DHRS12: variants seen among roughly 807,000 people sequenced by gnomAD.
DHRS12 encodes dehydrogenase/reductase SDR family member 12.
DHRS12 carries 29 observed loss-of-function variants against 32.1 expected under a neutral mutation model. That is an observed-to-expected ratio of 0.90 (90% CI 0.67 to 1.23). The LOEUF (loss-of-function observed/expected upper bound fraction) is 1.23. Ranked by LOEUF, DHRS12 falls within the 50% of genes most tolerant of loss-of-function variation. The pLI, the probability that DHRS12 is intolerant of heterozygous loss-of-function variation, is 0.00. For synonymous variants in DHRS12, 150 were observed against 135.9 expected (o/e 1.10, Z -0.72); for missense variants, 330 against 337.2 (o/e 0.98, Z 0.17).
chr13:51,787,764 TA>T (rs1291400898), intron 4 of DHRS12, among the ~76,000 whole-genome samples: 4 of 113,792 alleles, frequency 3.5e-5, no homozygotes, highest in African/African-American at 1.0e-4. Flanking sequence ...TATATATAAT[TA>T]TATAAATTAT....
chr13:51,787,534 G>C (rs1395833560), intron 4 of DHRS12, among the ~76,000 whole-genome samples: 2 of 151,322 alleles, frequency 1.3e-5, no homozygotes, highest in Admixed American at 1.3e-4. Context: ...CGTGGGTCGT[G>C]GAGGAAGTCA....
At chr13:51,768,499 G>A (rs1566269946) in intron 8 of DHRS12, 4 of 1,419,402 alleles carry the variant, frequency 2.8e-6, no homozygotes, top group Non-Finnish European at 3.7e-6. Flanking sequence ...GGAACTGGGA[G>A]GCTGCAGCCA....
chr13:51,791,218 G>A lies in DHRS12; in HGVS notation c.166C>T (p.Gln56Ter). ...LHIVDLSDPK[Q>*]IWKFVENFKQ... ...AAATTTTCAACAAATTTCCAGATTT[G>A]CTTGGGATCAGACAAGTCCACAATG... Residue 56 changes from glutamine to a stop codon, truncating the protein, a stop_gained, in exon 3 of 9, where the codon CAA becomes TAA. Coordinates refer to ENST00000444610, the MANE Select transcript of DHRS12 (RefSeq NM_001377533.1). LOFTEE classifies it high-confidence loss of function. 6.4e-7 allele frequency: 1 copy of A among 1,571,424 alleles called. No individual in the cohort carries two copies. Among genetic ancestry groups the A allele is most frequent in the South Asian group, 1.2e-5 (1 of 84,816 alleles).
intron 4 of DHRS12, among the ~76,000 whole-genome samples, chr13:51,785,494 A>G (rs1954913701): frequency 6.6e-6 from 1 of 152,176 alleles, no homozygotes; most frequent in Non-Finnish European, 1.5e-5. Context: ...TGATTTCTGG[A>G]TTGGTTAACT....
At chr13:51,778,750 C>G (rs1214083011) in intron 4 of DHRS12, among the ~76,000 whole-genome samples, 1 of 151,966 alleles carries the variant, frequency 6.6e-6, no homozygotes, top group East Asian at 1.9e-4. Flanking sequence ...CATTCCCAGT[C>G]ACCTGCAGGA....
At chr13:51,768,733 G>A in intron 8 of DHRS12, 3 of 1,129,168 alleles carry the variant, frequency 2.7e-6, no homozygotes, top group Non-Finnish European at 3.3e-6. Context: ...GAGCCCACTG[G>A]GGAGAGACGT....
intron 3 of DHRS12, 97 bp downstream of exon 3, chr13:51,791,068 C>T (rs1955244400): frequency 1.3e-6 from 1 of 780,524 alleles, no homozygotes. Flanking sequence ...TAAGATTCTT[C>T]CATAAAGACA....
intron 3 of DHRS12, among the ~76,000 whole-genome samples, 176 bp downstream of exon 3, chr13:51,790,989 T>G (rs1955239881): frequency 6.6e-6 from 1 of 152,104 alleles, no homozygotes; most frequent in African/African-American, 2.4e-5. Flanking sequence ...TCTAACCACA[T>G]GCGTCTCCTC....
At chr13:51,772,019 A>T (rs1954045004) in intron 6 of DHRS12, 108 bp from the exon 7 acceptor site, 1 of 1,038,752 alleles carries the variant, frequency 9.6e-7, no homozygotes. Context: ...TGGACTCTGC[A>T]GTATGTACGG....
rs1029280203 is a variant in DHRS12 at position 51,782,543 on chromosome 13, C to T, written c.302-5422G>A. Among the ~76,000 whole-genome samples, 9 of 152,112 alleles carry T rather than the reference C, an allele frequency of 5.9e-5. No homozygotes were observed. Among genetic ancestry groups the T allele is most frequent in the Non-Finnish European group, 1.0e-4 (7 of 68,022 alleles). ...ATAGGTGACCTCAGCATGAGAGTGGCCAAAGGTCAGGGAGATAAGCCGACT... is the reference window on the plus strand; with the variant it reads ...ATAGGTGACCTCAGCATGAGAGTGGTCAAAGGTCAGGGAGATAAGCCGACT... On this transcript the variant is annotated intron_variant, in intron 4 of 8. Transcript: ENST00000444610. This position sits in a 1 kb window ranked among gnomAD's most constrained non-coding sequence, Gnocchi z 4.2.
chr13:51,758,600 G>A, the DHRS12 span, among the ~76,000 whole-genome samples: 1 of 149,072 alleles, frequency 6.7e-6, no homozygotes, highest in Non-Finnish European at 1.5e-5. Flanking sequence ...GTGTTTTTGA[G>A]AACCTATTAC....
chr13:51,795,402 T>C (rs1319461127), intron 2 of DHRS12, among the ~76,000 whole-genome samples: 1 of 152,222 alleles, frequency 6.6e-6, no homozygotes, highest in South Asian at 2.1e-4. Context: ...TAAACAATAA[T>C]GATAATACCA....
intron 7 of DHRS12, chr13:51,771,564 C>T (rs1394450934): frequency 1.3e-5 from 21 of 1,585,430 alleles, no homozygotes; most frequent in African/African-American, 6.8e-5. Flanking sequence ...AGCAGGGCGC[C>T]CCAGGCGCAC....
chr13:51,792,699 T>C (rs939642888), intron 2 of DHRS12, among the ~76,000 whole-genome samples: 3 of 151,960 alleles, frequency 2.0e-5, no homozygotes, highest in Admixed American at 6.6e-5. Flanking sequence ...CGTGCCCAGC[T>C]TGTGTTGGCC....
At chr13:51,771,495 T>C in intron 7 of DHRS12, 2 of 1,614,090 alleles carry the variant, frequency 1.2e-6, no homozygotes, top group East Asian at 4.5e-5. Context: ...CTCATTCCTG[T>C]CTGACGTGGA....
chr13:51,776,877 G>A (rs1954445983), intron 5 of DHRS12, among the ~76,000 whole-genome samples, 183 bp downstream of exon 5: 1 of 152,128 alleles, frequency 6.6e-6, no homozygotes, highest in Non-Finnish European at 1.5e-5. Context: ...GAGAGGGCTG[G>A]GGTCTGAATG....
rs1403129382 is a variant in DHRS12, at chr13:51,797,724, A to G, written c.126+1810T>C. 4 of 1,220,974 alleles carry G rather than the reference A, an allele frequency of 3.3e-6. No individual in the cohort carries two copies. The African/African-American group carries it at 4.5e-5, about 14-fold the overall frequency. The allele number at this position is 1,220,974 out of a possible 1,614,324, so 75.6% of individuals were successfully genotyped here. A position where few individuals can be genotyped will look rare whatever the true frequency, so the allele number is the denominator to read the frequency against. On this transcript the variant is annotated intron_variant, in intron 2 of 8. Coordinates refer to ENST00000444610, the MANE Select transcript of DHRS12 (RefSeq NM_001377533.1). Reference sequence around the variant, plus strand: ...CTGCTTCCAAAGCAGAAGCACAAACACAGGCCCTCTTCAACCCAGGGAAAG... The same window carrying G: ...CTGCTTCCAAAGCAGAAGCACAAACGCAGGCCCTCTTCAACCCAGGGAAAG...
downstream of DHRS12, chr13:51,766,266 TACTA>T (rs1203703823): frequency 6.6e-6 from 1 of 152,338 alleles, no homozygotes; most frequent in East Asian, 1.9e-4. Context: ...CAAAAACCGT[TACTA>T]ACTGGACAAC....
chr13:51,787,904 A>T (rs1268251814), intron 4 of DHRS12, among the ~76,000 whole-genome samples: 10 of 126,862 alleles, frequency 7.9e-5, no homozygotes, highest in East Asian at 2.0e-4. Context: ...ATATATATAA[A>T]AATATATAAT....
Sources: gnomAD v4.1 joint callset for allele counts (sites outside exome capture counted in the v4.1 genomes callset) on GRCh38, gnomAD v4.1.1 for gene constraint, Gnocchi (gnomAD v3.1) non-coding constraint, MANE v1.5 for transcripts, NCBI Gene and HGNC (gene_info 2026-07-23, HGNC 2026-07-21) for gene names.